SPNS3: variants seen among roughly 807,000 people sequenced by gnomAD.
SPNS3 encodes SPNS lysolipid transporter 3, sphingosine-1-phosphate (putative), also known as protein spinster homolog 3.
In SPNS3, 51 loss-of-function variants were observed where a neutral mutation model predicts 54.4. The observed-to-expected ratio is 0.94, with a 90% CI of 0.75 to 1.18. The LOEUF (loss-of-function observed/expected upper bound fraction) is 1.18. SPNS3 is among the 50% of genes most tolerant of loss of function. SPNS3 has a pLI of 0.00. For synonymous variants in SPNS3, 309 were observed against 294.7 expected, an observed-to-expected ratio of 1.05 and a Z score of -0.50; for missense variants, 669 against 677.4, an observed-to-expected ratio of 0.99 and a Z score of 0.14.
chr17:4,480,844 C>A (rs1192580051), intron 9 of SPNS3, among the ~76,000 whole-genome samples: 2 of 152,196 alleles, frequency 1.3e-5, no homozygotes, highest in Non-Finnish European at 2.9e-5. Flanking sequence ...ATCCCAGAGC[C>A]TCCCGCCCCC....
chr17:4,486,515 G>A lies in SPNS3; in HGVS notation c.1382G>A (p.Gly461Asp), dbSNP rs1416262506. The change falls in exon 11 of 12, where the codon GGC becomes GAC. Residue 461 changes from glycine (G) to aspartate (D), a missense_variant. Coordinates refer to ENST00000355530, the MANE Select transcript of SPNS3 (RefSeq NM_182538.5). The surrounding 1 kb of genome is among the most constrained non-coding windows in gnomAD (Gnocchi z 5.5). ...TGCGCCTTTGTCATCGCCCTGGGGGGCGGCTGCTTCCTGCTGACTGCGCTG... is the reference window on the plus strand; with the variant it reads ...TGCGCCTTTGTCATCGCCCTGGGGGACGGCTGCTTCCTGCTGACTGCGCTG... ...LCCAFVIALG[G>D]GCFLLTALYL... 2 of 1,613,680 alleles carry A rather than the reference G, an allele frequency of 1.2e-6. No individual in the cohort carries two copies. Among genetic ancestry groups the A allele is most frequent in the Non-Finnish European group, 1.7e-6 (2 of 1,179,972 alleles).
chr17:4,464,244 C>T (rs777110129), intron 8 of SPNS3, among the ~76,000 whole-genome samples: 21 of 152,334 alleles, frequency 1.4e-4, no homozygotes, highest in Non-Finnish European at 2.5e-4. Context: ...GTGGACTTCT[C>T]GGCTGTTAAT....
At position 4,434,150 on chromosome 17, in the gene SPNS3, C is replaced by T; in HGVS notation, c.183C>T (p.Asn61=). 1.2e-6 allele frequency: 2 copies of T among 1,610,802 alleles called. No individual in the cohort carries two copies. Among genetic ancestry groups the T allele is most frequent in the Admixed American group, 3.3e-5 (2 of 59,710 alleles). The stretch of plus-strand genomic sequence containing the variant: ...ACATCAACCTCCTGAATTACATGAA[C>T]TGGTTCATCATTGCAGGTGAGGAGG... ...LCYINLLNYM[N]WFIIAGVLLD... is the part of the protein sequence containing the mutation. Residue 61 remains asparagine, a synonymous_variant, in exon 1 of 12, where the codon AAC becomes AAT. Coordinates refer to ENST00000355530, the MANE Select transcript of SPNS3 (RefSeq NM_182538.5).
In SPNS3 at chr17:4,454,406, G is replaced by C. The variant is rs565095870; in HGVS notation, c.1113+1201G>C. On this transcript the variant is annotated intron_variant, in intron 8 of 11. Coordinates refer to ENST00000355530, the MANE Select transcript of SPNS3 (RefSeq NM_182538.5). ...CCTGGGCCCTGTGGCTGCAGACACA[G>C]ATGCGCTTGCACATGTTAACCAGGT... Among the ~76,000 whole-genome samples the C allele has an allele frequency of 9.6e-4, 146 of 152,370 alleles. 1 individual carries two copies. Among genetic ancestry groups the C allele is most frequent in the Middle Eastern group, 3.4e-3 (1 of 294 alleles).
chr17:4,477,171 G>T (rs1379246211), intron 8 of SPNS3, among the ~76,000 whole-genome samples: 2 of 152,238 alleles, frequency 1.3e-5, no homozygotes, highest in Admixed American at 1.3e-4. Flanking sequence ...GGCGTGGGGG[G>T]TGGGGGGCGC....
intron 1 of SPNS3, among the ~76,000 whole-genome samples, chr17:4,438,741 C>T (rs1165186073): frequency 6.6e-6 from 1 of 152,218 alleles, no homozygotes; most frequent in Non-Finnish European, 1.5e-5. Flanking sequence ...CAGGGACTTC[C>T]GTTTACACAG....
chr17:4,472,773 CCTT>C, intron 8 of SPNS3, among the ~76,000 whole-genome samples: 1 of 109,442 alleles, frequency 9.1e-6, no homozygotes, highest in Non-Finnish European at 1.8e-5. Flanking sequence ...TGCTTGGCAG[CCTT>C]TTTTTTTTTT....
intron 2 of SPNS3, among the ~76,000 whole-genome samples, chr17:4,444,736 C>A (rs1037269386): frequency 6.6e-6 from 1 of 152,184 alleles, no homozygotes; most frequent in Non-Finnish European, 1.5e-5. Flanking sequence ...CCCATCTCAC[C>A]TTCACCATCC....
rs115259179 is a variant in SPNS3, at chr17:4,436,054, T to C, written c.199+1888T>C. On this transcript the variant is annotated intron_variant, in intron 1 of 11. Transcript: ENST00000355530. ...GGGCAGGACCCCCTGCTGGCTGCTG[T>C]GGACCCAGGGAGGAAATCGGACTTG... is the stretch of plus-strand genomic sequence containing the variant. Among the ~76,000 whole-genome samples, 945 of 151,970 alleles carry C rather than the reference T, an allele frequency of 6.2e-3. 12 individuals are homozygous for C. The highest frequency in any genetic ancestry group is 0.022 in the African/African-American group (904 of 41,234).
At chr17:4,461,943 A>G (rs1257009172) in intron 8 of SPNS3, among the ~76,000 whole-genome samples, 7 of 152,186 alleles carry the variant, frequency 4.6e-5, no homozygotes, top group Non-Finnish European at 8.8e-5. Context: ...ATATGGAATC[A>G]TCCCTAAAAC....
intron 8 of SPNS3, among the ~76,000 whole-genome samples, chr17:4,459,627 C>T (rs530725642): frequency 2.0e-5 from 3 of 152,192 alleles, no homozygotes; most frequent in East Asian, 1.9e-4. Flanking sequence ...GCAGGAGAAT[C>T]GCTTGAACCC....
At position 4,453,263 on chromosome 17, in the gene SPNS3, T is replaced by A; in HGVS notation, c.1113+58T>A. 3 of 1,510,224 alleles carry A rather than the reference T, an allele frequency of 2.0e-6. No homozygotes were observed. In the South Asian group the frequency reaches 3.6e-5, roughly 18 times the overall value. 93.6% of individuals were successfully genotyped at this position (1,510,224 alleles called of 1,614,324 possible). The stretch of plus-strand genomic sequence containing the variant: ...GGTTGGGGGGCGAGGAACTCCTGTT[T>A]CCACAGGCTCATGCTGCGCCCGGCC... On this transcript the variant is annotated intron_variant, in intron 8 of 11. Coordinates refer to ENST00000355530, the MANE Select transcript of SPNS3 (RefSeq NM_182538.5).
In SPNS3 at chr17:4,434,150, C is replaced by A; in HGVS notation, c.183C>A (p.Asn61Lys). The A allele has an allele frequency of 6.2e-7, 1 of 1,610,802 alleles. No individual in the cohort carries two copies. Among genetic ancestry groups the A allele is most frequent in the Non-Finnish European group, 8.5e-7 (1 of 1,178,470 alleles). Reference sequence around the variant, plus strand: ...ACATCAACCTCCTGAATTACATGAACTGGTTCATCATTGCAGGTGAGGAGG... The same window carrying A: ...ACATCAACCTCCTGAATTACATGAAATGGTTCATCATTGCAGGTGAGGAGG... ...LCYINLLNYM[N>K]WFIIAGVLLD... Residue 61 changes from asparagine (N) to lysine (K), a missense_variant, in exon 1 of 12, where the codon AAC (asparagine) becomes AAA (lysine). Coordinates refer to ENST00000355530, the MANE Select transcript of SPNS3 (RefSeq NM_182538.5).
chr17:4,454,814 G>A (rs1433853077), intron 8 of SPNS3, among the ~76,000 whole-genome samples: 16 of 151,482 alleles, frequency 1.1e-4, no homozygotes, highest in Admixed American at 4.6e-4. Context: ...TAGTAGAGAC[G>A]GGGTTTCACT....
At chr17:4,463,008 G>A (rs1038916628) in intron 8 of SPNS3, among the ~76,000 whole-genome samples, 1 of 151,944 alleles carries the variant, frequency 6.6e-6, no homozygotes, top group Non-Finnish European at 1.5e-5. Context: ...CCCAAGAAGG[G>A]TATAGACAGG....
intron 8 of SPNS3, among the ~76,000 whole-genome samples, chr17:4,458,646 T>TTTCTTTCTTTCTTTCTTTCTTTCTTTCC (rs748150277): frequency 3.1e-5 from 4 of 128,086 alleles, no homozygotes; most frequent in African/African-American, 1.2e-4. Flanking sequence ...TCTTTCTTTC[T>TTTCTTTCTTTCTTTCTTTCTTTCTTTCC]TTCCTTCCTT....
intron 8 of SPNS3, among the ~76,000 whole-genome samples, chr17:4,466,345 G>A (rs1971675411): frequency 6.6e-6 from 1 of 152,070 alleles, no homozygotes; most frequent in African/African-American, 2.4e-5. Flanking sequence ...TTTGAGACCA[G>A]CCTGGCCAAC....
chr17:4,452,975 C>T, intron 7 of SPNS3, 41 bp from the exon 8 acceptor site: 1 of 1,584,714 alleles, frequency 6.3e-7, no homozygotes, highest in African/African-American at 1.3e-5. Context: ...CTATGCTAAG[C>T]TCACCCAGCT....
chr17:4,476,974 C>A (rs936385137), intron 8 of SPNS3, among the ~76,000 whole-genome samples: 8 of 152,206 alleles, frequency 5.3e-5, no homozygotes, highest in Admixed American at 2.0e-4. Context: ...CTGTCCTGGG[C>A]CCGTCCTGAT....
Sources: allele counts gnomAD v4.1 joint callset (sites outside exome capture counted in the v4.1 genomes callset), GRCh38; gene constraint gnomAD v4.1.1; non-coding constraint Gnocchi (gnomAD v3.1); transcripts MANE v1.5; gene names NCBI Gene and HGNC (gene_info 2026-07-23, HGNC 2026-07-21).